NLGN4X: variants seen among roughly 807,000 people sequenced by gnomAD.
The protein encoded by NLGN4X is neuroligin-4, X-linked.
In NLGN4X, 3 loss-of-function variants were observed where a neutral mutation model predicts 40.3. The observed-to-expected ratio is 0.07, with a 90% CI of 0.03 to 0.19. The LOEUF is 0.19. Among genes scored for constraint, NLGN4X ranks in the 10% least tolerant of loss-of-function variants. NLGN4X has a pLI of 1.00. For synonymous variants in NLGN4X, 270 were observed against 306.8 expected (o/e 0.88, Z 1.25); for missense variants, 382 against 708.3 (o/e 0.54, Z 5.23).
chrX:5,966,152 G>C (rs2034826315), intron 3 of NLGN4X, among the ~76,000 whole-genome samples: 1 of 111,786 alleles, frequency 8.9e-6, no homozygotes, highest in African/African-American at 3.2e-5. Context: ...ACCATAGCAT[G>C]TGTTCATTGG....
At chrX:6,084,634 G>A (rs1472981364) in intron 2 of NLGN4X, among the ~76,000 whole-genome samples, 8 of 111,744 alleles carry the variant, frequency 7.2e-5, no homozygotes, top group African/African-American at 1.6e-4. Flanking sequence ...GAATTCATGC[G>A]TTGACATGAA....
intron 3 of NLGN4X, among the ~76,000 whole-genome samples, chrX:5,956,422 G>C (rs1243934311): frequency 9.0e-6 from 1 of 111,108 alleles, no homozygotes; most frequent in Non-Finnish European, 1.9e-5. Context: ...GTTTAATTGT[G>C]AAGTTTTGGA....
intron 3 of NLGN4X, among the ~76,000 whole-genome samples, chrX:5,915,368 T>TA (rs1231867817): frequency 7.3e-5 from 8 of 110,004 alleles, no homozygotes; most frequent in South Asian, 3.8e-4. Flanking sequence ...TTACATGAAA[T>TA]AAAAAAAAAC....
intron 1 of NLGN4X, among the ~76,000 whole-genome samples, chrX:6,181,091 G>C (rs748819501): frequency 9.0e-6 from 1 of 111,237 alleles, no homozygotes; most frequent in South Asian, 3.8e-4. Context: ...AGTCTCCCTG[G>C]TATATCAGCT....
chrX:5,973,755 G>A (rs905648654), intron 3 of NLGN4X, among the ~76,000 whole-genome samples: 8 of 110,705 alleles, frequency 7.2e-5, no homozygotes, highest in East Asian at 2.9e-4. Flanking sequence ...CCCGGGAGGC[G>A]GAGCTTGCAG....
chrX:5,955,002 A>T (rs1428235734), intron 3 of NLGN4X, among the ~76,000 whole-genome samples: 3 of 112,108 alleles, frequency 2.7e-5, no homozygotes, highest in Middle Eastern at 4.6e-3. Context: ...GATGCTCTTG[A>T]AATTGATGAA....
At chrX:5,989,049 C>T (rs1211396294) in intron 3 of NLGN4X, among the ~76,000 whole-genome samples, 1 of 103,481 alleles carries the variant, frequency 9.7e-6, no homozygotes, top group Non-Finnish European at 2.0e-5. Flanking sequence ...GCTTGGGCGA[C>T]AGAGCGAGAC....
At chrX:6,103,002 T>C (rs998588476) in intron 2 of NLGN4X, among the ~76,000 whole-genome samples, 2 of 111,652 alleles carry the variant, frequency 1.8e-5, no homozygotes, top group African/African-American at 6.5e-5. Flanking sequence ...CTGTGAATTC[T>C]CTGTTTTGGG....
chrX:6,095,222 T>C (rs2038743284), intron 2 of NLGN4X, among the ~76,000 whole-genome samples: 1 of 109,250 alleles, frequency 9.2e-6, no homozygotes, highest in Non-Finnish European at 1.9e-5. Flanking sequence ...CTACTCAGAT[T>C]GCATGCTATT....
intron 2 of NLGN4X, among the ~76,000 whole-genome samples, chrX:6,076,786 T>G (rs1261170093): frequency 8.9e-6 from 1 of 112,528 alleles, no homozygotes; most frequent in African/African-American, 3.2e-5. Flanking sequence ...ACCAATTAAT[T>G]AGACCAATTC....
At chrX:6,059,135 G>GA (rs1395977951) in intron 2 of NLGN4X, among the ~76,000 whole-genome samples, 1 of 112,023 alleles carries the variant, frequency 8.9e-6, no homozygotes, top group Non-Finnish European at 1.9e-5. Flanking sequence ...GAGTACTTGG[G>GA]AAAATTCCAG....
intron 3 of NLGN4X, among the ~76,000 whole-genome samples, chrX:5,961,194 C>A (rs1429942607): frequency 2.5e-4 from 28 of 111,049 alleles, no homozygotes; most frequent in Non-Finnish European, 1.9e-5. Flanking sequence ...TACAATAATT[C>A]TGTAGAATGT....
chrX:6,154,256 C>T (rs914908532), intron 1 of NLGN4X, among the ~76,000 whole-genome samples: 1 of 111,811 alleles, frequency 8.9e-6, no homozygotes, highest in Non-Finnish European at 1.9e-5. Flanking sequence ...TTTAAGGCAT[C>T]AAGTATAAAA....
chrX:5,908,991 C>T lies in NLGN4X; in HGVS notation c.811+63G>A, dbSNP rs1008669426. On this transcript the variant is annotated intron_variant, in intron 4 of 5. Coordinates refer to ENST00000381095, the MANE Select transcript of NLGN4X (RefSeq NM_181332.3). ...CCAGGACATGCATCTGAGATATGAA[C>T]TCTGACCATTCATTTCTTGGTTCAG... is the stretch of plus-strand genomic sequence containing the variant. 1.0e-5 allele frequency: 12 copies of T among 1,155,195 alleles called. No homozygotes were observed. In the African/African-American group the frequency reaches 1.8e-4, roughly 17 times the overall value.
chrX:6,087,898 T>C (rs2038536119), intron 2 of NLGN4X, among the ~76,000 whole-genome samples: 1 of 112,631 alleles, frequency 8.9e-6, no homozygotes, highest in African/African-American at 3.2e-5. Flanking sequence ...TCTTTCTTTT[T>C]GAGCTTCTGA....
chrX:6,042,685 TTATATATA>T (rs749649054), intron 2 of NLGN4X, among the ~76,000 whole-genome samples: 571 of 28,411 alleles, frequency 0.02, 22 homozygotes, highest in African/African-American at 0.038. Context: ...CATAGAGGTT[TTATATATA>T]TATATATATA....
intron 3 of NLGN4X, among the ~76,000 whole-genome samples, chrX:5,960,504 T>A (rs2034625659): frequency 8.9e-6 from 1 of 111,890 alleles, no homozygotes; most frequent in Non-Finnish European, 1.9e-5. Context: ...AATTTAGGTA[T>A]AATGAGCTGC....
chrX:6,089,305 T>C (rs942460260), intron 2 of NLGN4X, among the ~76,000 whole-genome samples: 1 of 111,919 alleles, frequency 8.9e-6, no homozygotes, highest in African/African-American at 3.2e-5. Flanking sequence ...ATTTTGATAT[T>C]TATCTCCCCA....
At chrX:6,060,570 T>C (rs193128750) in intron 2 of NLGN4X, among the ~76,000 whole-genome samples, 2 of 112,135 alleles carry the variant, frequency 1.8e-5, no homozygotes. Flanking sequence ...CTCTGATGAA[T>C]TCCCTTAAAG....
Sources: gnomAD v4.1 joint callset for allele counts (sites outside exome capture counted in the v4.1 genomes callset) on GRCh38, gnomAD v4.1.1 for gene constraint, MANE v1.5 for transcripts, NCBI Gene and HGNC (gene_info 2026-07-23, HGNC 2026-07-21) for gene names.